HTR1F: variants seen among roughly 807,000 people sequenced by gnomAD.
HTR1F encodes 5-hydroxytryptamine receptor 1F.
A neutral mutation model predicts 24.0 loss-of-function variants in HTR1F; 17 were observed. The observed-to-expected ratio is 0.71, with a 90% CI of 0.48 to 1.06. The LOEUF is 1.06. HTR1F is among the 50% of genes least tolerant of loss of function. The pLI is 0.00. For synonymous variants in HTR1F, 186 were observed against 156.8 expected, an observed-to-expected ratio of 1.19 and a Z score of -1.39; for missense variants, 391 against 427.8, an observed-to-expected ratio of 0.91 and a Z score of 0.76.
At chr3:87,819,432 T>A (rs1704312505) in intron 1 of HTR1F, among the ~76,000 whole-genome samples, 1 of 151,962 alleles carries the variant, frequency 6.6e-6, no homozygotes, top group Admixed American at 6.6e-5. Flanking sequence ...TTATTTTTCA[T>A]CTAGTTTGCA....
chr3:87,892,231 A>G (rs140655387), intron 2 of HTR1F, among the ~76,000 whole-genome samples: 171 of 152,332 alleles, frequency 1.1e-3, no homozygotes, highest in African/African-American at 4.0e-3. Flanking sequence ...TTATGATACA[A>G]TAAAGGCATA....
intron 1 of HTR1F, among the ~76,000 whole-genome samples, chr3:87,812,286 A>T (rs1271947723): frequency 6.6e-5 from 10 of 152,162 alleles, no homozygotes; most frequent in East Asian, 3.9e-4. Context: ...GGATTATTTA[A>T]TGGTTTTGAC....
chr3:87,882,474 T>C (rs1705826536), intron 2 of HTR1F, among the ~76,000 whole-genome samples: 1 of 151,904 alleles, frequency 6.6e-6, no homozygotes, highest in Non-Finnish European at 1.5e-5. Flanking sequence ...CCAACAATGA[T>C]AGACTGGATT....
At chr3:87,978,928 G>GGAAGGAAA (rs1553683840) in intron 2 of HTR1F, among the ~76,000 whole-genome samples, 4,636 of 70,224 alleles carry the variant, frequency 0.066, 764 homozygotes, top group East Asian at 0.22. Flanking sequence ...AAGGAAGGAA[G>GGAAGGAAA]GAAGGAAAAG....
At chr3:87,848,062 G>C (rs1704986581) in intron 2 of HTR1F, among the ~76,000 whole-genome samples, 1 of 151,752 alleles carries the variant, frequency 6.6e-6, no homozygotes, top group African/African-American at 2.4e-5. Context: ...TGTATAGTAG[G>C]CCTCTTTTTA....
intron 2 of HTR1F, among the ~76,000 whole-genome samples, chr3:87,927,750 T>C (rs2107395269): frequency 6.6e-6 from 1 of 152,314 alleles, no homozygotes; most frequent in East Asian, 1.9e-4. Context: ...TACTTTTTCA[T>C]GCCTACCTGT....
intron 2 of HTR1F, among the ~76,000 whole-genome samples, chr3:87,931,852 A>G (rs938325791): frequency 4.7e-5 from 7 of 149,854 alleles, no homozygotes; most frequent in South Asian, 2.1e-4. Context: ...TCTTCTTTTG[A>G]GAAGTGTCTG....
intron 2 of HTR1F, among the ~76,000 whole-genome samples, chr3:87,973,328 T>C (rs1281082819): frequency 6.6e-6 from 1 of 152,192 alleles, no homozygotes; most frequent in Non-Finnish European, 1.5e-5. Flanking sequence ...CCTATTCAAA[T>C]TATTCTCCTA....
intron 2 of HTR1F, among the ~76,000 whole-genome samples, chr3:87,901,720 A>C (rs1706328405): frequency 6.6e-6 from 1 of 152,138 alleles, no homozygotes; most frequent in African/African-American, 2.4e-5. Context: ...ATGAAAAAAA[A>C]ATGGTCTCTA....
intron 2 of HTR1F, among the ~76,000 whole-genome samples, chr3:87,916,170 A>G (rs1703887332): frequency 6.6e-6 from 1 of 152,084 alleles, no homozygotes; most frequent in South Asian, 2.1e-4. Context: ...ATTCGCCATT[A>G]CCAAGCCACC....
intron 2 of HTR1F, among the ~76,000 whole-genome samples, chr3:87,945,593 A>G (rs2919261): frequency 0.99 from 151,462 of 152,256 alleles, 75,336 homozygotes; most frequent in East Asian, 1. Flanking sequence ...CTAGTTGGCC[A>G]TCGGCTTCCC....
intron 2 of HTR1F, among the ~76,000 whole-genome samples, chr3:87,951,768 C>T (rs186963243): frequency 2.4e-3 from 362 of 151,892 alleles, no homozygotes; most frequent in Non-Finnish European, 4.0e-3. Flanking sequence ...CATATATATC[C>T]ATCATTTTAG....
At chr3:87,912,840 AGG>A (rs1324259243) in intron 2 of HTR1F, among the ~76,000 whole-genome samples, 1 of 152,142 alleles carries the variant, frequency 6.6e-6, no homozygotes, top group Non-Finnish European at 1.5e-5. Context: ...CAATGAGGAA[AGG>A]ACTCCCTATT....
chr3:87,956,628 C>T (rs148884995), intron 2 of HTR1F, among the ~76,000 whole-genome samples: 1 of 151,314 alleles, frequency 6.6e-6, no homozygotes, highest in East Asian at 1.9e-4. Flanking sequence ...TATATGCCTT[C>T]CATTTATTTA....
At chr3:87,901,003 C>A (rs903830705) in intron 2 of HTR1F, among the ~76,000 whole-genome samples, 4 of 152,036 alleles carry the variant, frequency 2.6e-5, no homozygotes, top group Non-Finnish European at 5.9e-5. Flanking sequence ...TAGAGGAGAA[C>A]GACATCCAAG....
At chr3:87,855,585 A>T (rs895635703) in intron 2 of HTR1F, among the ~76,000 whole-genome samples, 3 of 151,640 alleles carry the variant, frequency 2.0e-5, no homozygotes, top group African/African-American at 7.3e-5. Flanking sequence ...CATTTTTAGA[A>T]TTTTTTTTCT....
At chr3:87,939,072 T>C (rs1222092732) in intron 2 of HTR1F, among the ~76,000 whole-genome samples, 3 of 152,140 alleles carry the variant, frequency 2.0e-5, no homozygotes, top group Non-Finnish European at 4.4e-5. Flanking sequence ...CTTAAACAAA[T>C]TTACAAGAGA....
At chr3:87,839,024 A>T (rs73145262) in intron 2 of HTR1F, among the ~76,000 whole-genome samples, 3,737 of 124,612 alleles carry the variant, frequency 0.03, 62 homozygotes, top group Non-Finnish European at 0.04. Context: ...TTTTATTTTT[A>T]TTTTTTTTTT....
At chr3:87,820,691 ACTT>A (rs1227268087) in intron 1 of HTR1F, among the ~76,000 whole-genome samples, 3 of 152,128 alleles carry the variant, frequency 2.0e-5, no homozygotes, top group Non-Finnish European at 4.4e-5. Flanking sequence ...GCTCTCAAAT[ACTT>A]GAGAGTATAT....
Sources: gnomAD v4.1 joint callset for allele counts (sites outside exome capture counted in the v4.1 genomes callset) on GRCh38, gnomAD v4.1.1 for gene constraint, MANE v1.5 for transcripts, NCBI Gene and HGNC (gene_info 2026-07-23, HGNC 2026-07-21) for gene names.